The following PCSK5 variants were observed in gnomAD, a reference collection of about 807,000 sequenced individuals.
The protein encoded by PCSK5 is prohormone convertase 5.
PCSK5 carries 129 observed loss-of-function variants against 233.2 expected under a neutral mutation model. The ratio of observed to expected loss-of-function variants is 0.55; its 90% CI spans 0.48 to 0.64. The LOEUF (loss-of-function observed/expected upper bound fraction) is 0.64. Among genes scored for constraint, PCSK5 ranks in the 30% least tolerant of loss-of-function variants. The pLI is 0.00. For missense variants in PCSK5, 2,076 were observed against 2,430.1 expected (o/e 0.85, Z 3.06); for synonymous variants, 825 against 879.2 (o/e 0.94, Z 1.09).
chr9:76,117,572 C>G (rs1210362688), intron 9 of PCSK5, among the ~76,000 whole-genome samples: 1 of 152,036 alleles, frequency 6.6e-6, no homozygotes. Context: ...TTACCTTTTT[C>G]GTCTAATAGA....
At chr9:75,975,545 G>A (rs1380087344) in intron 2 of PCSK5, among the ~76,000 whole-genome samples, 1 of 152,004 alleles carries the variant, frequency 6.6e-6, no homozygotes, top group Non-Finnish European at 1.5e-5. Flanking sequence ...TCTCTACTCT[G>A]TACAAAATAA....
chr9:76,188,006 CTTG>C (rs1055867706), intron 17 of PCSK5, among the ~76,000 whole-genome samples: 11 of 152,202 alleles, frequency 7.2e-5, no homozygotes, highest in African/African-American at 2.6e-4. Flanking sequence ...TATTTTAAAT[CTTG>C]TTGTTTTGAT....
At chr9:75,953,330 G>A in intron 2 of PCSK5, among the ~76,000 whole-genome samples, 1 of 152,098 alleles carries the variant, frequency 6.6e-6, no homozygotes, top group East Asian at 1.9e-4. Flanking sequence ...GGGAGGAGGG[G>A]AGGGCTTCCA....
intron 20 of PCSK5, among the ~76,000 whole-genome samples, chr9:76,212,436 A>G (rs1825365222): frequency 6.6e-6 from 1 of 152,256 alleles, no homozygotes; most frequent in South Asian, 2.1e-4. Flanking sequence ...ACAGCCATCC[A>G]GCATTGAGCA....
intron 5 of PCSK5, among the ~76,000 whole-genome samples, chr9:76,045,289 A>C (rs1044925894): frequency 6.6e-6 from 1 of 152,210 alleles, no homozygotes; most frequent in East Asian, 1.9e-4. Context: ...AGATTAGACT[A>C]TGCTCTTCAT....
At chr9:76,172,463 T>C (rs2131188314) in intron 13 of PCSK5, among the ~76,000 whole-genome samples, 1 of 152,170 alleles carries the variant, frequency 6.6e-6, no homozygotes. Context: ...ATAAGTGAAA[T>C]ATAAAGAGAT....
At chr9:76,261,317 A>G (rs1827167152) in intron 24 of PCSK5, among the ~76,000 whole-genome samples, 1 of 152,356 alleles carries the variant, frequency 6.6e-6, no homozygotes, top group East Asian at 1.9e-4. Context: ...TCCAAATAGG[A>G]AAAGAAGTCA....
intron 7 of PCSK5, among the ~76,000 whole-genome samples, chr9:76,083,690 A>G (rs889098072): frequency 2.6e-5 from 4 of 152,258 alleles, no homozygotes; most frequent in African/African-American, 7.2e-5. Flanking sequence ...TCAATTCACC[A>G]GATTTAAAAA....
chr9:76,231,677 G>T (rs927999103), intron 21 of PCSK5, among the ~76,000 whole-genome samples: 4 of 152,132 alleles, frequency 2.6e-5, no homozygotes, highest in African/African-American at 7.2e-5. Context: ...AAGTCTTCTA[G>T]CTCAGTAACT....
chr9:76,138,707 CT>C (rs1290415076), intron 10 of PCSK5, among the ~76,000 whole-genome samples: 1 of 151,860 alleles, frequency 6.6e-6, no homozygotes, highest in Non-Finnish European at 1.5e-5. Context: ...GATTATATGA[CT>C]GTATACAGTT....
rs1043542117 is a variant in PCSK5 at position 76,359,858 on chromosome 9, T to A, written c.*936T>A. On this transcript the variant is annotated 3_prime_UTR_variant, in exon 38 of 38. Transcript: ENST00000674117. Reference sequence around the variant, plus strand: ...CCATCACAAAACCGTGGACTCTCAATAGAAAGAGTTGGAATAGAGTCTAAC... The same window carrying A: ...CCATCACAAAACCGTGGACTCTCAAAAGAAAGAGTTGGAATAGAGTCTAAC... 2 of 151,812 alleles carry A rather than the reference T, an allele frequency of 1.3e-5. No individual in the cohort carries two copies. The highest frequency in any genetic ancestry group is 4.8e-5 in the African/African-American group (2 of 41,316). The allele number at this position is 151,812 out of a possible 1,614,324, so 9.4% of individuals were successfully genotyped here.
At chr9:76,056,190 C>T (rs1381521223) in intron 5 of PCSK5, among the ~76,000 whole-genome samples, 4 of 152,160 alleles carry the variant, frequency 2.6e-5, no homozygotes, top group African/African-American at 9.7e-5. Flanking sequence ...CTCCCACTTG[C>T]CATTGCTTGA....
At chr9:76,023,913 C>T (rs765784763) in intron 4 of PCSK5, 32 bp downstream of exon 4, 2 of 1,558,458 alleles carry the variant, frequency 1.3e-6, no homozygotes, top group Non-Finnish European at 1.7e-6. Flanking sequence ...AAGGTCTTTC[C>T]TTCTGGGAAA....
chr9:76,283,877 G>A (rs1211458005), intron 24 of PCSK5, among the ~76,000 whole-genome samples: 1 of 152,180 alleles, frequency 6.6e-6, no homozygotes, highest in East Asian at 1.9e-4. Context: ...AGGTAAACAA[G>A]TTAATTAGAA....
chr9:76,226,411 C>T lies in PCSK5; in HGVS notation c.2627-1092C>T, dbSNP rs115160139. ...TCCCTCATTTCCTCACCAGTCAAGT[C>T]TAGGTTTCCAGGGTTCTTTTCAATG... On this transcript the variant is annotated intron_variant, in intron 20 of 37. Coordinates refer to ENST00000674117, the MANE Select transcript of PCSK5 (RefSeq NM_001372043.1). 3.9e-3 allele frequency among the ~76,000 whole-genome samples: 592 copies of T among 152,236 alleles called. 4 individuals are homozygous for T. The highest frequency in any genetic ancestry group is 0.013 in the African/African-American group (526 of 41,536).
At chr9:76,042,129 G>T (rs1278410501) in intron 5 of PCSK5, among the ~76,000 whole-genome samples, 1 of 152,164 alleles carries the variant, frequency 6.6e-6, no homozygotes, top group East Asian at 1.9e-4. Context: ...TCCCTGCCCT[G>T]TGGCAAGATC....
chr9:76,296,688 G>T lies in PCSK5; in HGVS notation c.3346G>T (p.Gly1116Cys), dbSNP rs866431544. ...LLGGSCVRKC[G>C]PGFYGDQEMG... ...AGGTGGCAGTTGTGTGAGGAAATGT[G>T]GTCCTGGATTCTATGGTGACCAAGA... is the stretch of plus-strand genomic sequence containing the variant. Residue 1116 changes from glycine (G) to cysteine (C), a missense_variant, in exon 27 of 38, where the codon GGT becomes TGT. Around this residue, in one of 6 missense-constraint regions of PCSK5, gnomAD observed 1,510 missense variants for 1,538.1 expected, o/e 0.98. Transcript: ENST00000674117. 2 of 1,611,932 alleles carry T rather than the reference G, an allele frequency of 1.2e-6. No homozygotes were observed. The highest frequency in any genetic ancestry group is 1.7e-6 in the Non-Finnish European group (2 of 1,179,020).
At chr9:76,130,143 G>T (rs1275606335) in intron 9 of PCSK5, among the ~76,000 whole-genome samples, 6 of 152,050 alleles carry the variant, frequency 3.9e-5, no homozygotes, top group Admixed American at 6.5e-5. Context: ...TTATTTTTCT[G>T]TTTACCTTTG....
intron 1 of PCSK5, among the ~76,000 whole-genome samples, chr9:75,922,488 T>C (rs1823298975): frequency 6.6e-6 from 1 of 152,146 alleles, no homozygotes; most frequent in Non-Finnish European, 1.5e-5. Flanking sequence ...ATGGAGAAAC[T>C]TGGAGGTTTG....
Sources: gnomAD v4.1 joint callset for allele counts (sites outside exome capture counted in the v4.1 genomes callset) on GRCh38, gnomAD v4.1.1 for gene constraint, gnomAD v4.1.1 regional missense constraint, MANE v1.5 for transcripts, NCBI Gene and HGNC (gene_info 2026-07-23, HGNC 2026-07-21) for gene names.